SYCP1: variants seen among roughly 807,000 people sequenced by gnomAD.
The protein encoded by SYCP1 is synaptonemal complex protein 1.
A neutral mutation model predicts 153.1 loss-of-function variants in SYCP1; 64 were observed. The ratio of observed to expected loss-of-function variants is 0.42; its 90% CI spans 0.34 to 0.51. The LOEUF is 0.51. SYCP1 is among the 20% of genes least tolerant of loss of function. SYCP1 has a pLI of 0.06. For synonymous variants in SYCP1, 384 were observed against 341.8 expected, an observed-to-expected ratio of 1.12 and a Z score of -1.36; for missense variants, 997 against 1,049.0, an observed-to-expected ratio of 0.95 and a Z score of 0.68.
At chr1:114,970,804 A>G (rs1672439897) in intron 27 of SYCP1, among the ~76,000 whole-genome samples, 1 of 152,154 alleles carries the variant, frequency 6.6e-6, no homozygotes, top group African/African-American at 2.4e-5. Context: ...CACCTTCTCC[A>G]GTGGAGGTGG....
chr1:114,860,686 T>C (rs1664308945), intron 7 of SYCP1, 50 bp from the exon 8 acceptor site: 1 of 1,228,988 alleles, frequency 8.1e-7, no homozygotes, highest in East Asian at 2.4e-5. Flanking sequence ...ATATTGTGAT[T>C]TTGCTTTGAG....
intron 27 of SYCP1, among the ~76,000 whole-genome samples, chr1:114,958,372 G>A (rs1437994951): frequency 6.6e-6 from 1 of 152,074 alleles, no homozygotes; most frequent in Non-Finnish European, 1.5e-5. Flanking sequence ...CCAGTGTTTG[G>A]TAGCACAATA....
At chr1:114,857,169 A>C (rs1664047630) in intron 3 of SYCP1, 63 bp from the exon 4 acceptor site, 2 of 1,229,002 alleles carry the variant, frequency 1.6e-6, no homozygotes, top group East Asian at 5.0e-5. Flanking sequence ...AGAAAAAAGA[A>C]AAAAAAAAAG....
rs777691600 is a variant in SYCP1, at chr1:114,855,426, C to T, written c.-24-15C>T. On this transcript the variant is annotated splice_polypyrimidine_tract_variant and intron_variant, in intron 1 of 31. Transcript: ENST00000369522. The stretch of plus-strand genomic sequence containing the variant: ...AAAAAACTTTCCTTCCCCTCCCGCC[C>T]CCCCGGGGCAGTAGATATTTACAAC... The T allele has an allele frequency of 1.9e-6, 3 of 1,546,018 alleles. No individual in the cohort carries two copies. The highest frequency in any genetic ancestry group is 1.2e-5 in the South Asian group (1 of 85,498).
chr1:114,865,545 G>A (rs1490472466), intron 8 of SYCP1, among the ~76,000 whole-genome samples: 2 of 152,258 alleles, frequency 1.3e-5, no homozygotes, highest in Admixed American at 6.5e-5. Context: ...TTTCATGTAT[G>A]CTGTACTCAA....
intron 27 of SYCP1, among the ~76,000 whole-genome samples, chr1:114,954,721 C>T (rs994317483): frequency 1.3e-5 from 2 of 152,112 alleles, no homozygotes; most frequent in African/African-American, 4.8e-5. Context: ...GCTGGGACTA[C>T]AGGCACACGC....
At chr1:114,857,156 A>AG (rs1553183150) in intron 3 of SYCP1, 76 bp from the exon 4 acceptor site, 21 of 921,326 alleles carry the variant, frequency 2.3e-5, no homozygotes, top group Middle Eastern at 3.9e-4. Context: ...AAAAAAAAAA[A>AG]AGAGAAAAAA....
intron 28 of SYCP1, among the ~76,000 whole-genome samples, chr1:114,979,410 G>A (rs1673007416): frequency 6.6e-6 from 1 of 151,712 alleles, no homozygotes; most frequent in Non-Finnish European, 1.5e-5. Flanking sequence ...TGAATTTTCT[G>A]GAAAGGGATA....
chr1:114,970,235 G>A (rs1031307855), intron 27 of SYCP1, among the ~76,000 whole-genome samples: 2 of 151,864 alleles, frequency 1.3e-5, no homozygotes, highest in African/African-American at 2.4e-5. Context: ...TTGCATTTCT[G>A]TAAGCATGTC....
chr1:114,953,592 T>G lies in SYCP1; in HGVS notation c.2322+6272T>G, dbSNP rs116350112. Among the ~76,000 whole-genome samples, 433 of 152,352 alleles carry G rather than the reference T, an allele frequency of 2.8e-3. 1 individual carries two copies. The highest frequency in any genetic ancestry group is 9.9e-3 in the African/African-American group (413 of 41,582). ...CTCCATTGAATTACTTTCAAACTTT[T>G]GTCAAAAACTAGTTAGGCATGTTCT... On this transcript the variant is annotated intron_variant, in intron 27 of 31. Coordinates refer to ENST00000369522, the MANE Select transcript of SYCP1 (RefSeq NM_003176.4).
intron 23 of SYCP1, among the ~76,000 whole-genome samples, chr1:114,943,445 A>G (rs745941975): frequency 9.2e-5 from 14 of 151,894 alleles, no homozygotes; most frequent in Non-Finnish European, 1.3e-4. Flanking sequence ...ACACATAAAT[A>G]CCTCAAACAT....
At chr1:114,960,543 C>T (rs1315730206) in intron 27 of SYCP1, among the ~76,000 whole-genome samples, 1 of 152,156 alleles carries the variant, frequency 6.6e-6, no homozygotes, top group Non-Finnish European at 1.5e-5. Flanking sequence ...TGAGGGTTCC[C>T]TTTTCTCCAC....
chr1:114,971,271 G>C (rs1372424296), intron 27 of SYCP1, among the ~76,000 whole-genome samples: 2 of 152,148 alleles, frequency 1.3e-5, no homozygotes, highest in African/African-American at 4.8e-5. Flanking sequence ...CTTGGGCAGG[G>C]CTTGCTGCTG....
chr1:114,932,454 T>C (rs1199560314), intron 23 of SYCP1, among the ~76,000 whole-genome samples: 1 of 152,140 alleles, frequency 6.6e-6, no homozygotes, highest in African/African-American at 2.4e-5. Context: ...GATGGCTGAA[T>C]AGGAACAGCT....
chr1:114,995,046 G>A lies in SYCP1; in HGVS notation c.*27G>A, dbSNP rs367566279. 15 of 1,555,804 alleles carry A rather than the reference G, an allele frequency of 9.6e-6. No individual in the cohort carries two copies. The highest frequency in any genetic ancestry group is 6.2e-5 in the South Asian group (5 of 80,596). ...TTCAGAGAATCAGTGTAGTTAAGGA[G>A]CCTAATAACGTGAAACTTATAGTTA... is the stretch of plus-strand genomic sequence containing the variant. On this transcript the variant is annotated 3_prime_UTR_variant, in exon 32 of 32. Transcript: ENST00000369522.
At chr1:114,857,157 A>AAT in intron 3 of SYCP1, 75 bp from the exon 4 acceptor site, 4 of 880,792 alleles carry the variant, frequency 4.5e-6, no homozygotes, top group Non-Finnish European at 6.4e-6. Flanking sequence ...AAAAAAAAAA[A>AAT]GAGAAAAAAG....
rs1315448664 is a variant in SYCP1 at position 114,942,842 on chromosome 1, A to C, written c.1927-1497A>C. ...TGATACATTCATATATACTAAAATA[A>C]TTTCTGGTTACTTGGAAAGTAAAGT... On this transcript the variant is annotated intron_variant, in intron 23 of 31. Coordinates refer to ENST00000369522, the MANE Select transcript of SYCP1 (RefSeq NM_003176.4). Among the ~76,000 whole-genome samples, 5 of 152,110 alleles carry C rather than the reference A, an allele frequency of 3.3e-5. No individual in the cohort carries two copies. In the East Asian group the frequency reaches 9.6e-4, roughly 29 times the overall value.
intron 8 of SYCP1, among the ~76,000 whole-genome samples, chr1:114,865,474 A>G (rs541406151): frequency 2.8e-4 from 42 of 152,270 alleles, no homozygotes; most frequent in Admixed American, 5.2e-4. Context: ...TTGCCTTTTC[A>G]TTGTGGGTGT....
intron 11 of SYCP1, among the ~76,000 whole-genome samples, chr1:114,877,866 G>A (rs1242786215): frequency 1.3e-5 from 2 of 152,124 alleles, no homozygotes; most frequent in Non-Finnish European, 1.5e-5. Flanking sequence ...GAATACCGAT[G>A]TTTAGAGATT....
Sources: gnomAD v4.1 joint callset for allele counts (sites outside exome capture counted in the v4.1 genomes callset) on GRCh38, gnomAD v4.1.1 for gene constraint, MANE v1.5 for transcripts, NCBI Gene and HGNC (gene_info 2026-07-23, HGNC 2026-07-21) for gene names.